Variants in BABAM2 observed in about 807,000 individuals in gnomAD.
BABAM2 encodes the protein BRISC and BRCA1 A complex member 2, also known as BRISC and BRCA1-A complex member 2.
BABAM2 carries 31 observed loss-of-function variants against 54.7 expected under a neutral mutation model. The observed-to-expected ratio is 0.57, with a 90% CI of 0.43 to 0.77. The LOEUF (loss-of-function observed/expected upper bound fraction) is 0.77, where lower values mean the gene tolerates loss of function less well. Among genes scored for constraint, BABAM2 ranks in the 30% least tolerant of loss-of-function variants. BABAM2 has a pLI of 0.00. For missense variants in BABAM2, 364 were observed against 455.8 expected, an observed-to-expected ratio of 0.80 and a Z score of 1.83; for synonymous variants, 167 against 162.9, an observed-to-expected ratio of 1.03 and a Z score of -0.19.
rs542053368 is a variant in BABAM2 at position 28,107,607 on chromosome 2, T to C, written c.571-21664T>C. Among the ~76,000 whole-genome samples the C allele has an allele frequency of 5.3e-5, 8 of 152,316 alleles. No homozygotes were observed. The East Asian group carries it at 1.5e-3, about 29-fold the overall frequency. Reference sequence around the variant, plus strand: ...TTGGATCATTTGGATTCCTTCCAACTAGGACCATTACCTCTTCCTTGAAAA... The same window carrying C: ...TTGGATCATTTGGATTCCTTCCAACCAGGACCATTACCTCTTCCTTGAAAA... On this transcript the variant is annotated intron_variant, in intron 6 of 11. Transcript: ENST00000379624.
chr2:28,334,204 C>A (rs950854807), intron 11 of BABAM2, among the ~76,000 whole-genome samples: 3 of 152,234 alleles, frequency 2.0e-5, no homozygotes, highest in Admixed American at 2.0e-4. Context: ...AAAAAGCTTG[C>A]CTTTAAAACG....
chr2:28,062,646 A>G (rs1293854787), intron 6 of BABAM2, among the ~76,000 whole-genome samples: 1 of 152,054 alleles, frequency 6.6e-6, no homozygotes, highest in East Asian at 1.9e-4. Flanking sequence ...ATCAGCAATG[A>G]TACTTGTGTT....
chr2:27,953,643 C>T (rs1669902017), intron 3 of BABAM2, among the ~76,000 whole-genome samples: 1 of 148,906 alleles, frequency 6.7e-6, no homozygotes, highest in South Asian at 2.1e-4. Context: ...AACGATCTCA[C>T]CAAAAAAAAA....
chr2:27,908,261 T>A (rs962396759), intron 2 of BABAM2, among the ~76,000 whole-genome samples: 10 of 152,122 alleles, frequency 6.6e-5, no homozygotes, highest in African/African-American at 2.4e-4. Flanking sequence ...TCTCTTTTTT[T>A]AAAAACAATT....
At chr2:28,209,106 T>C (rs555230574) in intron 7 of BABAM2, among the ~76,000 whole-genome samples, 2 of 152,306 alleles carry the variant, frequency 1.3e-5, no homozygotes, top group East Asian at 1.9e-4. Context: ...TTGATATTCA[T>C]GGCCAGCTCA....
intron 6 of BABAM2, among the ~76,000 whole-genome samples, chr2:28,077,227 G>A (rs774607660): frequency 2.0e-5 from 3 of 152,126 alleles, no homozygotes; most frequent in Non-Finnish European, 4.4e-5. Flanking sequence ...AGCACAACCT[G>A]CTATATTTGA....
intron 6 of BABAM2, among the ~76,000 whole-genome samples, chr2:28,095,013 T>G (rs72814441): frequency 0.023 from 3,492 of 152,110 alleles, 61 homozygotes; most frequent in Non-Finnish European, 0.037. Context: ...AGTCTTTGGC[T>G]ATCATAAACA....
intron 5 of BABAM2, among the ~76,000 whole-genome samples, chr2:28,043,807 C>A (rs1424309134): frequency 6.6e-6 from 1 of 152,192 alleles, no homozygotes; most frequent in Non-Finnish European, 1.5e-5. Flanking sequence ...TCCCACCCAC[C>A]ATGATGAGCT....
chr2:28,026,973 T>TATATATATATAA (rs1268077939), intron 5 of BABAM2, among the ~76,000 whole-genome samples: 1 of 106,002 alleles, frequency 9.4e-6, no homozygotes, highest in South Asian at 2.7e-4. Flanking sequence ...TATATATAAA[T>TATATATATATAA]ATATAAATAT....
rs149888466 is a variant in BABAM2, at chr2:28,114,459, A to C, written c.571-14812A>C. On this transcript the variant is annotated intron_variant, in intron 6 of 11. Coordinates refer to ENST00000379624, the MANE Select transcript of BABAM2 (RefSeq NM_199191.3). The stretch of plus-strand genomic sequence containing the variant: ...TCCTTTCCTCATAGGGCTCTTGATA[A>C]TTAATCACGTATTACCTTGTAGGAT... 4.7e-4 allele frequency among the ~76,000 whole-genome samples: 72 copies of C among 152,328 alleles called. 1 individual carries two copies. The East Asian group carries it at 0.012, about 25-fold the overall frequency.
chr2:28,065,125 T>G (rs188849486), intron 6 of BABAM2, among the ~76,000 whole-genome samples: 1 of 152,310 alleles, frequency 6.6e-6, no homozygotes, highest in African/African-American at 2.4e-5. Flanking sequence ...GCGGTTTAAC[T>G]TTAGTCAACA....
intron 11 of BABAM2, chr2:28,310,306 C>T (rs1688960052): frequency 8.2e-6 from 6 of 733,758 alleles, no homozygotes; most frequent in Non-Finnish European, 1.3e-5. Flanking sequence ...GACCAGGCTG[C>T]ACCAGGCACG....
intron 10 of BABAM2, among the ~76,000 whole-genome samples, chr2:28,251,857 G>A (rs1683518003): frequency 6.6e-6 from 1 of 152,080 alleles, no homozygotes; most frequent in Admixed American, 6.5e-5. Flanking sequence ...CCTCATATCA[G>A]ACATAAAGAT....
intron 7 of BABAM2, among the ~76,000 whole-genome samples, chr2:28,151,605 A>G (rs1225288473): frequency 6.6e-6 from 1 of 152,166 alleles, no homozygotes; most frequent in Non-Finnish European, 1.5e-5. Flanking sequence ...AAAAGAAAAA[A>G]GCATCCCTTC....
At chr2:27,902,346 A>G (rs1383233992) in intron 2 of BABAM2, among the ~76,000 whole-genome samples, 2 of 152,196 alleles carry the variant, frequency 1.3e-5, no homozygotes, top group Non-Finnish European at 2.9e-5. Flanking sequence ...TAAATAAGTA[A>G]GTATGTGTAT....
intron 6 of BABAM2, among the ~76,000 whole-genome samples, chr2:28,106,674 G>C (rs1558340767): frequency 6.6e-6 from 1 of 152,268 alleles, no homozygotes; most frequent in South Asian, 2.1e-4. Flanking sequence ...CTGTTGATGT[G>C]TTCACACTGA....
chr2:27,911,016 T>G (rs1666551495), intron 2 of BABAM2, among the ~76,000 whole-genome samples: 1 of 152,140 alleles, frequency 6.6e-6, no homozygotes, highest in Non-Finnish European at 1.5e-5. Flanking sequence ...ATCTGATGAT[T>G]TTATAAGGGG....
chr2:28,277,256 C>T (rs1685958179), intron 10 of BABAM2, among the ~76,000 whole-genome samples: 1 of 152,118 alleles, frequency 6.6e-6, no homozygotes. Flanking sequence ...CAGGTGCCCG[C>T]CACCACACCT....
intron 11 of BABAM2, chr2:28,309,304 A>G (rs1186737315): frequency 1.3e-5 from 2 of 152,118 alleles, no homozygotes; most frequent in Non-Finnish European, 2.9e-5. Context: ...GATCCCTCTT[A>G]TATTTTGAAT....
Sources: gnomAD v4.1 joint callset for allele counts (sites outside exome capture counted in the v4.1 genomes callset) on GRCh38, gnomAD v4.1.1 for gene constraint, MANE v1.5 for transcripts, NCBI Gene and HGNC (gene_info 2026-07-23, HGNC 2026-07-21) for gene names.